Variants in TRIO observed in about 807,000 individuals in gnomAD.
TRIO encodes triple functional domain protein.
In TRIO, 58 loss-of-function variants were observed where a neutral mutation model predicts 351.9. That is an observed-to-expected ratio of 0.16 (90% CI 0.13 to 0.21). The LOEUF is 0.21. TRIO is among the 10% of genes least tolerant of loss of function. The pLI, the probability that TRIO is intolerant of heterozygous loss-of-function variation, is 1.00. For synonymous variants in TRIO, 1,758 were observed against 1,595.7 expected (o/e 1.10, Z -2.42); for missense variants, 3,201 against 4,027.8 (o/e 0.79, Z 5.56).
intron 16 of TRIO, among the ~76,000 whole-genome samples, chr5:14,367,897 T>G (rs1300554767): frequency 1.3e-5 from 2 of 152,236 alleles, no homozygotes; most frequent in Non-Finnish European, 1.5e-5. Flanking sequence ...AAATTGCAGG[T>G]AATAAATCAC....
intron 1 of TRIO, among the ~76,000 whole-genome samples, chr5:14,217,522 A>G (rs1792300159): frequency 6.6e-6 from 1 of 152,170 alleles, no homozygotes; most frequent in Non-Finnish European, 1.5e-5. Flanking sequence ...GGGCTTTCCC[A>G]TGCCAGCCAC....
At chr5:14,243,521 T>G (rs901008701) in intron 1 of TRIO, among the ~76,000 whole-genome samples, 1 of 152,040 alleles carries the variant, frequency 6.6e-6, no homozygotes, top group Non-Finnish European at 1.5e-5. Context: ...AATTAGAAAA[T>G]GATTTTTGGA....
intron 11 of TRIO, among the ~76,000 whole-genome samples, chr5:14,355,067 C>T (rs556127199): frequency 1.3e-5 from 2 of 151,890 alleles, no homozygotes; most frequent in Non-Finnish European, 2.9e-5. Context: ...TGGCTCCGTG[C>T]GACTCAAAGG....
chr5:14,178,708 T>C (rs1046196961), intron 1 of TRIO, among the ~76,000 whole-genome samples: 2 of 152,158 alleles, frequency 1.3e-5, no homozygotes, highest in African/African-American at 4.8e-5. Context: ...TGACTCCCAC[T>C]GGTCATTTTT....
intron 1 of TRIO, among the ~76,000 whole-genome samples, chr5:14,209,420 C>T (rs934021306): frequency 1.3e-5 from 2 of 152,338 alleles, no homozygotes; most frequent in African/African-American, 2.4e-5. Context: ...TGGCCTGTCA[C>T]GTGTCATGTC....
chr5:14,402,118 T>A (rs762027333), intron 31 of TRIO, among the ~76,000 whole-genome samples: 1 of 152,200 alleles, frequency 6.6e-6, no homozygotes, highest in Non-Finnish European at 1.5e-5. Context: ...CTATATGATA[T>A]CAGTTGCACC....
At chr5:14,196,488 A>C (rs1790780136) in intron 1 of TRIO, among the ~76,000 whole-genome samples, 1 of 151,342 alleles carries the variant, frequency 6.6e-6, no homozygotes, top group Non-Finnish European at 1.5e-5. Flanking sequence ...AGACTGACTG[A>C]GACTATCTTG....
At chr5:14,413,729 ATTTT>A (rs895748455) in intron 33 of TRIO, among the ~76,000 whole-genome samples, 2 of 152,180 alleles carry the variant, frequency 1.3e-5, no homozygotes, top group Admixed American at 6.5e-5. Flanking sequence ...GAAAAGACAG[ATTTT>A]TTTTAAGTTT....
intron 1 of TRIO, among the ~76,000 whole-genome samples, chr5:14,206,009 C>T (rs1270949121): frequency 6.6e-6 from 1 of 152,166 alleles, no homozygotes; most frequent in Non-Finnish European, 1.5e-5. Flanking sequence ...GTTGGGATTA[C>T]AGGTATGAGC....
At chr5:14,429,136 T>C (rs13183141) in intron 34 of TRIO, among the ~76,000 whole-genome samples, 2 of 152,232 alleles carry the variant, frequency 1.3e-5, no homozygotes, top group Non-Finnish European at 2.9e-5. Flanking sequence ...TTGCTGTTTT[T>C]CATTAAGTGT....
intron 34 of TRIO, among the ~76,000 whole-genome samples, chr5:14,444,982 G>C (rs575511541): frequency 2.0e-5 from 3 of 152,306 alleles, no homozygotes; most frequent in African/African-American, 7.2e-5. Context: ...TTCTAGACAA[G>C]GAGCAGGCAC....
In TRIO at chr5:14,497,762, A is replaced by G; in HGVS notation, c.8020-85A>G. The G allele has an allele frequency of 6.4e-7, 1 of 1,568,482 alleles. No individual in the cohort carries two copies. Among genetic ancestry groups the G allele is most frequent in the Non-Finnish European group, 8.8e-7 (1 of 1,139,830 alleles). On this transcript the variant is annotated intron_variant, in intron 50 of 56. Transcript: ENST00000344204. This position sits in a 1 kb window ranked among gnomAD's most constrained non-coding sequence, Gnocchi z 4.4. ...GCAAGTCAGTTTCTGCAAATCTTTC[A>G]ACAATAATTGTAGCCCTGGAATGAA... is the stretch of plus-strand genomic sequence containing the variant.
chr5:14,147,908 G>A (rs947713577), intron 1 of TRIO, among the ~76,000 whole-genome samples: 4 of 152,180 alleles, frequency 2.6e-5, no homozygotes, highest in African/African-American at 9.7e-5. Flanking sequence ...AATAGAAACT[G>A]AAGGAAATGT....
chr5:14,159,574 CTT>C (rs760216530), intron 1 of TRIO, among the ~76,000 whole-genome samples: 9 of 143,342 alleles, frequency 6.3e-5, no homozygotes, highest in Admixed American at 7.0e-5. Context: ...TATTTTTTTT[CTT>C]TTTTTTTTTT....
intron 1 of TRIO, among the ~76,000 whole-genome samples, chr5:14,250,314 C>T (rs1242451708): frequency 6.6e-6 from 1 of 152,164 alleles, no homozygotes; most frequent in Non-Finnish European, 1.5e-5. Flanking sequence ...AGCGACTGTG[C>T]GTTTGTAATT....
chr5:14,414,224 C>T (rs959142398), intron 33 of TRIO, among the ~76,000 whole-genome samples: 5 of 152,188 alleles, frequency 3.3e-5, no homozygotes, highest in South Asian at 2.1e-4. Flanking sequence ...GCCACAGGGC[C>T]GCCTGTGGGG....
rs773995062 is a variant in TRIO at position 14,381,223 on chromosome 5, G to C, written c.3541G>C (p.Glu1181Gln). 6.2e-7 allele frequency: 1 copy of C among 1,613,300 alleles called. No homozygotes were observed. The highest frequency in any genetic ancestry group is 1.7e-5 in the Admixed American group (1 of 59,792). ...ACAGCACACCCAGGAGCTCCTGAAA[G>C]AGCACGAGGAGTTCCAGATAACTGC... ...SIQHTQELLK[E>Q]HEEFQITAKQ... The change falls in exon 21 of 57, where the codon GAG becomes CAG. Residue 1181 changes from glutamate to glutamine, a missense_variant. Glu to Gln is a conservative substitution (Grantham distance 29). Coordinates refer to ENST00000344204, the MANE Select transcript of TRIO (RefSeq NM_007118.4).
intron 7 of TRIO, among the ~76,000 whole-genome samples, chr5:14,300,773 C>G (rs1283518578): frequency 1.3e-5 from 2 of 152,180 alleles, no homozygotes; most frequent in African/African-American, 2.4e-5. Flanking sequence ...AGGTCTATGG[C>G]TAGGTCTTTC....
At chr5:14,395,190 A>G (rs1176873770) in intron 28 of TRIO, among the ~76,000 whole-genome samples, 1 of 152,262 alleles carries the variant, frequency 6.6e-6, no homozygotes, top group Non-Finnish European at 1.5e-5. Flanking sequence ...TGAAAGTGAT[A>G]CTATTATGGG....
Sources: allele counts gnomAD v4.1 joint callset (sites outside exome capture counted in the v4.1 genomes callset), GRCh38; gene constraint gnomAD v4.1.1; non-coding constraint Gnocchi (gnomAD v3.1); transcripts MANE v1.5; gene names NCBI Gene and HGNC (gene_info 2026-07-23, HGNC 2026-07-21).